Variants in PLCL1 observed in about 807,000 individuals in gnomAD.
The protein encoded by PLCL1 is inactive phospholipase C-like protein 1.
In PLCL1, 41 loss-of-function variants were observed where a neutral mutation model predicts 84.4. That is an observed-to-expected ratio of 0.49 (90% confidence interval 0.38 to 0.63). PLCL1 has a LOEUF of 0.63. Ranked by LOEUF, PLCL1 falls within the 30% of genes least tolerant of loss-of-function variation. The pLI is 0.00. For missense variants in PLCL1, 1,206 were observed against 1,367.8 expected (o/e 0.88, Z 1.87); for synonymous variants, 490 against 488.3 (o/e 1.00, Z -0.05).
chr2:198,080,095 A>T (rs953971902), intron 1 of PLCL1, among the ~76,000 whole-genome samples: 4 of 152,210 alleles, frequency 2.6e-5, no homozygotes, highest in African/African-American at 7.2e-5. Context: ...TCCTGGAAAG[A>T]TGTTATGGTC....
At chr2:197,965,104 A>G (rs546803216) in intron 1 of PLCL1, among the ~76,000 whole-genome samples, 1 of 152,094 alleles carries the variant, frequency 6.6e-6, no homozygotes, top group South Asian at 2.1e-4. Context: ...CTCATCCTCT[A>G]TTTTTTGGCA....
At chr2:197,818,581 T>C (rs763996758) in intron 1 of PLCL1, among the ~76,000 whole-genome samples, 1 of 152,088 alleles carries the variant, frequency 6.6e-6, no homozygotes, top group Non-Finnish European at 1.5e-5. Flanking sequence ...ATTGCCCAGG[T>C]TGAACTTGAA....
intron 1 of PLCL1, among the ~76,000 whole-genome samples, chr2:197,896,770 C>T (rs964967868): frequency 1.5e-4 from 23 of 151,960 alleles, no homozygotes; most frequent in African/African-American, 3.6e-4. Context: ...CATTTGCTTT[C>T]CTTTCATTGG....
intron 1 of PLCL1, among the ~76,000 whole-genome samples, chr2:197,929,260 G>T (rs972825654): frequency 2.0e-5 from 3 of 152,154 alleles, no homozygotes; most frequent in Non-Finnish European, 2.9e-5. Context: ...CCATGGATAT[G>T]GAGGGCCGAC....
rs1324334744 is a variant in PLCL1, at chr2:197,923,249, G to C, written c.240+117910G>C. On this transcript the variant is annotated intron_variant, in intron 1 of 5. Coordinates refer to ENST00000428675, the MANE Select transcript of PLCL1 (RefSeq NM_006226.4). ...TCCCGGATGGGGCGGCTGGCCGGGC[G>C]GGGGGCTGACCCCCCCCACCTCCCT... Among the ~76,000 whole-genome samples the C allele has an allele frequency of 9.0e-4, 131 of 146,266 alleles. 1 individual carries two copies. The highest frequency in any genetic ancestry group is 3.2e-3 in the African/African-American group (128 of 39,582).
At chr2:197,822,475 C>T (rs1176368557) in intron 1 of PLCL1, among the ~76,000 whole-genome samples, 3 of 152,166 alleles carry the variant, frequency 2.0e-5, no homozygotes, top group African/African-American at 7.2e-5. Context: ...ACGTGGGTGT[C>T]TCCTCCCACA....
intron 1 of PLCL1, among the ~76,000 whole-genome samples, chr2:197,937,406 G>A (rs537900149): frequency 3.3e-5 from 5 of 152,244 alleles, no homozygotes; most frequent in African/African-American, 7.2e-5. Flanking sequence ...CAATCTATGC[G>A]CATGGATAAT....
In PLCL1 at chr2:197,805,883, T is replaced by A. The variant is rs1439362224; in HGVS notation, c.240+544T>A. ...GAGCAATGCAAGAGCCCAGAGTTTT[T>A]GCGCTGCAGAAAGCACAACCGGAAA... On this transcript the variant is annotated intron_variant, in intron 1 of 5. Coordinates refer to ENST00000428675, the MANE Select transcript of PLCL1 (RefSeq NM_006226.4). The surrounding 1 kb of genome is among the most constrained non-coding windows in gnomAD (Gnocchi z 4.0). Among the ~76,000 whole-genome samples the A allele has an allele frequency of 6.6e-6, 1 of 152,240 alleles. No homozygotes were observed. Among genetic ancestry groups the A allele is most frequent in the Non-Finnish European group, 1.5e-5 (1 of 68,042 alleles).
intron 1 of PLCL1, among the ~76,000 whole-genome samples, chr2:198,007,468 A>G (rs1690754653): frequency 6.6e-6 from 1 of 152,206 alleles, no homozygotes; most frequent in Non-Finnish European, 1.5e-5. Context: ...ATGAAGACAT[A>G]TGTGTGTAAT....
rs544020003 is a variant in PLCL1 at position 198,123,348 on chromosome 2, A to G, written c.3105+19412A>G. On this transcript the variant is annotated intron_variant, in intron 5 of 5. Transcript: ENST00000428675. ...GATGGTGTCCCCTTCACAAATTTCT[A>G]TGTTGAAATCCTAAACCCCCAGTAT... 2.0e-3 allele frequency among the ~76,000 whole-genome samples: 304 copies of G among 152,138 alleles called. 1 individual carries two copies. Among genetic ancestry groups the G allele is most frequent in the Non-Finnish European group, 2.6e-3 (179 of 67,984 alleles).
intron 1 of PLCL1, among the ~76,000 whole-genome samples, chr2:197,985,512 C>A (rs1008234541): frequency 6.6e-6 from 1 of 152,102 alleles, no homozygotes; most frequent in African/African-American, 2.4e-5. Context: ...AACTATAGGG[C>A]CTTCTGCCTG....
intron 5 of PLCL1, among the ~76,000 whole-genome samples, chr2:198,132,144 G>T (rs1694135466): frequency 6.6e-6 from 1 of 152,106 alleles, no homozygotes; most frequent in East Asian, 1.9e-4. Context: ...TTCAGTTTCA[G>T]TCTCAGAAAG....
In PLCL1 at chr2:197,886,186, C is replaced by T. The variant is rs535479157; in HGVS notation, c.240+80847C>T. 7.2e-4 allele frequency among the ~76,000 whole-genome samples: 109 copies of T among 151,812 alleles called. 1 individual carries two copies. The highest frequency in any genetic ancestry group is 1.4e-3 in the Non-Finnish European group (95 of 67,888). ...CAGCATTTTGGGAGGCTGAGGCGGG[C>T]GGATCACTTGAGGTTAGGAGTTCAA... On this transcript the variant is annotated intron_variant, in intron 1 of 5. Coordinates refer to ENST00000428675, the MANE Select transcript of PLCL1 (RefSeq NM_006226.4).
At chr2:197,903,789 C>T (rs1688321126) in intron 1 of PLCL1, among the ~76,000 whole-genome samples, 2 of 144,944 alleles carry the variant, frequency 1.4e-5, no homozygotes, top group Non-Finnish European at 3.0e-5. Context: ...AGGCGTGAGC[C>T]ACAGTGCCCG....
intron 2 of PLCL1, among the ~76,000 whole-genome samples, chr2:198,088,298 T>C (rs1692935793): frequency 6.6e-6 from 1 of 152,136 alleles, no homozygotes; most frequent in Non-Finnish European, 1.5e-5. Flanking sequence ...ACCTAATAAG[T>C]TAGGTACTGT....
At chr2:198,123,116 A>T (rs913251349) in intron 5 of PLCL1, among the ~76,000 whole-genome samples, 3 of 152,072 alleles carry the variant, frequency 2.0e-5, no homozygotes, top group Non-Finnish European at 2.9e-5. Context: ...TCATAATAAC[A>T]ATTAAACTCC....
In PLCL1 at chr2:198,084,330, C is replaced by T; in HGVS notation, c.813C>T (p.Leu271=). 6.2e-7 allele frequency: 1 copy of T among 1,613,928 alleles called. No homozygotes were observed. The highest frequency in any genetic ancestry group is 1.1e-5 in the South Asian group (1 of 91,066). Residue 271 remains leucine (L), a synonymous_variant, in exon 2 of 6, where the codon CTC becomes CTT. Coordinates refer to ENST00000428675, the MANE Select transcript of PLCL1 (RefSeq NM_006226.4). Reference sequence around the variant, plus strand: ...CCTCTGTAGAGTTAATAAAACAACTCAACCCTACTCTGAAGGAAGCCAAGA... The same window carrying T: ...CCTCTGTAGAGTTAATAAAACAACTTAACCCTACTCTGAAGGAAGCCAAGA... The part of the protein sequence containing the change: ...EDTSVELIKQ[L]NPTLKEAKIR...
At chr2:198,146,105 A>C (rs1356099981) in intron 5 of PLCL1, among the ~76,000 whole-genome samples, 3 of 152,210 alleles carry the variant, frequency 2.0e-5, no homozygotes, top group Admixed American at 6.5e-5. Flanking sequence ...ACTGATGTAA[A>C]TGACAGCTAA....
chr2:197,890,949 T>C (rs186906977), intron 1 of PLCL1, among the ~76,000 whole-genome samples: 1 of 151,286 alleles, frequency 6.6e-6, no homozygotes, highest in African/African-American at 2.4e-5. Context: ...ATAATCAATG[T>C]CATTTTTAAT....
Sources: allele counts gnomAD v4.1 joint callset (sites outside exome capture counted in the v4.1 genomes callset), GRCh38; gene constraint gnomAD v4.1.1; non-coding constraint Gnocchi (gnomAD v3.1); transcripts MANE v1.5; gene names NCBI Gene and HGNC (gene_info 2026-07-23, HGNC 2026-07-21).